The following SOX5 variants were observed in gnomAD, a reference collection of about 807,000 sequenced individuals.
The protein encoded by SOX5 is SRY-box transcription factor 5, also known as transcription factor SOX-5.
In SOX5, 9 loss-of-function variants were observed where a neutral mutation model predicts 92.0. The ratio of observed to expected loss-of-function variants is 0.10; its 90% CI spans 0.06 to 0.17. The LOEUF (loss-of-function observed/expected upper bound fraction) is 0.17, where lower values mean the gene tolerates loss of function less well. SOX5 is among the 10% of genes least tolerant of loss of function. SOX5 has a pLI of 1.00. For synonymous variants in SOX5, 344 were observed against 336.3 expected, an observed-to-expected ratio of 1.02 and a Z score of -0.25; for missense variants, 642 against 944.5, an observed-to-expected ratio of 0.68 and a Z score of 4.20.
In SOX5 at chr12:24,112,951, A is replaced by C. The variant is rs149619538; in HGVS notation, c.-2+100392T>G. Among the ~76,000 whole-genome samples, 701 of 152,090 alleles carry C rather than the reference A, an allele frequency of 4.6e-3. 12 individuals carry two copies. The highest frequency in any genetic ancestry group is 0.016 in the African/African-American group (654 of 41,500). On this transcript the variant is annotated intron_variant, in intron 4 of 4. Coordinates refer to the SOX5 transcript ENST00000446891. ...AAGTTTATTCTTATTTTCCTTATCA[A>C]GACTGAAAGCCATAAAATATTTCCT...
In SOX5 at chr12:23,649,735, G is replaced by A. The variant is rs568700967; in HGVS notation, c.932-8838C>T. On this transcript the variant is annotated intron_variant, in intron 7 of 14. Coordinates refer to ENST00000451604, the MANE Select transcript of SOX5 (RefSeq NM_006940.6). Reference sequence around the variant, plus strand: ...ATTAACTCTTTAAAAGCATTCAATTGCATCATTATTATAGTTGTGCATATT... The same window carrying A: ...ATTAACTCTTTAAAAGCATTCAATTACATCATTATTATAGTTGTGCATATT... Among the ~76,000 whole-genome samples, 8 of 152,140 alleles carry A rather than the reference G, an allele frequency of 5.3e-5. No individual in the cohort carries two copies. In the South Asian group the frequency reaches 1.7e-3, roughly 32 times the overall value.
chr12:23,664,459 A>G (rs2083502772), intron 7 of SOX5, among the ~76,000 whole-genome samples: 1 of 152,094 alleles, frequency 6.6e-6, no homozygotes, highest in Non-Finnish European at 1.5e-5. Flanking sequence ...ACTTGCTTTT[A>G]CTATTTTCCT....
intron 2 of SOX5, among the ~76,000 whole-genome samples, chr12:23,860,311 A>T (rs2136386524): frequency 6.6e-6 from 1 of 152,302 alleles, no homozygotes; most frequent in South Asian, 2.1e-4. Flanking sequence ...ATTTAAAAAA[A>T]AAAAGAATGC....
At chr12:24,502,742 G>A (rs1948345522) in intron 1 of SOX5, among the ~76,000 whole-genome samples, 1 of 152,104 alleles carries the variant, frequency 6.6e-6, no homozygotes, top group African/African-American at 2.4e-5. Flanking sequence ...ATTTACGGTG[G>A]GGAAATGCAG....
At chr12:24,386,003 A>C (rs1302098797) in intron 1 of SOX5, among the ~76,000 whole-genome samples, 1 of 152,008 alleles carries the variant, frequency 6.6e-6, no homozygotes, top group Non-Finnish European at 1.5e-5. Context: ...ATGTTTTAAA[A>C]TCTTTACTAA....
intron 3 of SOX5, among the ~76,000 whole-genome samples, chr12:23,781,844 G>A (rs934494326): frequency 2.1e-4 from 32 of 151,998 alleles, no homozygotes; most frequent in Non-Finnish European, 4.0e-4. Flanking sequence ...CTAAATTAAA[G>A]GCCAAATACA....
chr12:23,986,633 C>G (rs1950089027), intron 4 of SOX5, among the ~76,000 whole-genome samples: 1 of 152,116 alleles, frequency 6.6e-6, no homozygotes, highest in Non-Finnish European at 1.5e-5. Flanking sequence ...TACTAAATAA[C>G]AGATTTGAAT....
chr12:24,211,436 T>C (rs554302468), intron 4 of SOX5, among the ~76,000 whole-genome samples: 1 of 152,344 alleles, frequency 6.6e-6, no homozygotes, highest in Admixed American at 6.5e-5. Flanking sequence ...ATAATCATCT[T>C]TTTATTTCAT....
intron 3 of SOX5, among the ~76,000 whole-genome samples, chr12:23,792,556 G>A (rs1453171250): frequency 7.0e-6 from 1 of 141,958 alleles, no homozygotes; most frequent in Non-Finnish European, 1.5e-5. Context: ...CCAGGAGGCA[G>A]AGGTTGCAGT....
chr12:24,228,519 C>G (rs1487931945), intron 3 of SOX5, among the ~76,000 whole-genome samples: 1 of 152,074 alleles, frequency 6.6e-6, no homozygotes, highest in Non-Finnish European at 1.5e-5. Context: ...TTCTTGTTGT[C>G]TATTCCCTCT....
chr12:23,773,815 T>A (rs1356458761), intron 3 of SOX5, among the ~76,000 whole-genome samples: 1 of 152,190 alleles, frequency 6.6e-6, no homozygotes, highest in Non-Finnish European at 1.5e-5. Context: ...CAATGCAAAG[T>A]ATTAAAATGT....
In SOX5 at chr12:24,006,024, T is replaced by C. The variant is rs546510826; in HGVS notation, c.-1-110000A>G. Among the ~76,000 whole-genome samples, 12 of 152,296 alleles carry C rather than the reference T, an allele frequency of 7.9e-5. No homozygotes were observed. The East Asian group carries it at 2.3e-3, about 29-fold the overall frequency. ...TGCATTGATACCCAATCTTATTCATTCGTTCAGCTAGGTTTATCACTGGCT... is the reference window on the plus strand; with the variant it reads ...TGCATTGATACCCAATCTTATTCATCCGTTCAGCTAGGTTTATCACTGGCT... On this transcript the variant is annotated intron_variant, in intron 4 of 4. Coordinates refer to the SOX5 transcript ENST00000446891.
chr12:23,976,535 C>T (rs572083618), intron 4 of SOX5, among the ~76,000 whole-genome samples: 9 of 150,670 alleles, frequency 6.0e-5, no homozygotes, highest in African/African-American at 1.9e-4. Context: ...TTACTAAAAA[C>T]TAAATGAATA....
rs562392888 is a variant in SOX5 at position 24,061,556 on chromosome 12, G to A, written c.-2+151787C>T. The stretch of plus-strand genomic sequence containing the variant: ...CTACTGCTAAAATACCAATGACAAC[G>A]TTTGCACAAAGTACCAATGATAACG... On this transcript the variant is annotated intron_variant, in intron 4 of 4. Coordinates refer to the SOX5 transcript ENST00000446891. Among the ~76,000 whole-genome samples, 9 of 151,966 alleles carry A rather than the reference G, an allele frequency of 5.9e-5. 1 individual carries two copies. The highest frequency in any genetic ancestry group is 1.9e-4 in the African/African-American group (8 of 41,434).
chr12:24,390,999 A>T (rs190277637), intron 1 of SOX5, among the ~76,000 whole-genome samples: 3 of 152,218 alleles, frequency 2.0e-5, no homozygotes, highest in African/African-American at 4.8e-5. Flanking sequence ...TTTGATAAAT[A>T]TACTGTTTTC....
intron 4 of SOX5, among the ~76,000 whole-genome samples, chr12:23,980,711 C>G (rs935640969): frequency 6.6e-6 from 1 of 152,096 alleles, no homozygotes; most frequent in African/African-American, 2.4e-5. Context: ...TTCTTATGCC[C>G]TGCTGTATCT....
chr12:24,376,769 C>A (rs1370062098), intron 1 of SOX5, among the ~76,000 whole-genome samples: 1 of 121,724 alleles, frequency 8.2e-6, no homozygotes, highest in Admixed American at 1.1e-4. Flanking sequence ...TATAGTGGTG[C>A]AATTAAGACT....
intron 4 of SOX5, among the ~76,000 whole-genome samples, chr12:24,036,238 G>A (rs889737285): frequency 5.9e-5 from 9 of 152,006 alleles, no homozygotes; most frequent in South Asian, 2.1e-4. Flanking sequence ...GACTTTAGTA[G>A]CAATAACGAC....
chr12:24,067,354 A>G (rs1940920418), intron 4 of SOX5, among the ~76,000 whole-genome samples: 1 of 152,216 alleles, frequency 6.6e-6, no homozygotes, highest in Admixed American at 6.5e-5. Context: ...CATGAACAGC[A>G]TTAGTACCAA....
Sources: gnomAD v4.1 joint callset for allele counts (sites outside exome capture counted in the v4.1 genomes callset) on GRCh38, gnomAD v4.1.1 for gene constraint, MANE v1.5 for transcripts, NCBI Gene and HGNC (gene_info 2026-07-23, HGNC 2026-07-21) for gene names.